The following FOXP4 variants were observed in gnomAD, a reference collection of about 807,000 sequenced individuals.
FOXP4 encodes forkhead box protein P4.
A neutral mutation model predicts 82.6 loss-of-function variants in FOXP4; 25 were observed. The observed-to-expected ratio is 0.30, with a 90% CI of 0.22 to 0.42. The LOEUF is 0.42. Ranked by LOEUF, FOXP4 falls within the 10% of genes least tolerant of loss-of-function variation. The pLI is 1.00. For synonymous variants in FOXP4, 415 were observed against 388.2 expected (o/e 1.07, Z -0.81); for missense variants, 785 against 900.9 (o/e 0.87, Z 1.65).
At chr6:41,595,279 A>T (rs1184076976) in intron 14 of FOXP4, among the ~76,000 whole-genome samples, 23 of 152,250 alleles carry the variant, frequency 1.5e-4, no homozygotes, top group Admixed American at 1.5e-3. Flanking sequence ...AGGGGCCCCA[A>T]GTAGCCCTGG....
chr6:41,596,840 C>T (rs953822815), intron 14 of FOXP4, among the ~76,000 whole-genome samples: 3 of 151,750 alleles, frequency 2.0e-5, no homozygotes, highest in African/African-American at 7.3e-5. Flanking sequence ...AAATCTAGAC[C>T]GGAGAGAAAA....
chr6:41,552,715 G>A (rs7764894), intron 1 of FOXP4, among the ~76,000 whole-genome samples: 21,258 of 152,068 alleles, frequency 0.14, 1,585 homozygotes, highest in African/African-American at 0.18. Context: ...AGCTCGGGCC[G>A]GCAGCTGGGG....
At chr6:41,560,382 C>G (rs140304339) in intron 1 of FOXP4, among the ~76,000 whole-genome samples, 16 of 152,368 alleles carry the variant, frequency 1.1e-4, no homozygotes, top group Non-Finnish European at 2.1e-4. Flanking sequence ...CTGCTGTCTC[C>G]CAGACTATAT....
At chr6:41,574,070 C>G (rs1330508110) in intron 2 of FOXP4, among the ~76,000 whole-genome samples, 1 of 152,180 alleles carries the variant, frequency 6.6e-6, no homozygotes, top group African/African-American at 2.4e-5. Context: ...ATCTGAACAC[C>G]TTTCTCACCC....
intron 2 of FOXP4, among the ~76,000 whole-genome samples, chr6:41,567,343 G>A (rs937134045): frequency 2.0e-5 from 3 of 152,184 alleles, no homozygotes; most frequent in Admixed American, 2.0e-4. Context: ...GTGGAGACTG[G>A]AGCAGGGAAG....
chr6:41,562,115 A>C (rs574200058), intron 1 of FOXP4, among the ~76,000 whole-genome samples: 1 of 152,358 alleles, frequency 6.6e-6, no homozygotes, highest in Admixed American at 6.5e-5. Flanking sequence ...AGAGGTGGGC[A>C]GGAGACATGA....
At chr6:41,592,991 TTGCCAGTTAGCAG>T (rs67992154) in intron 13 of FOXP4, among the ~76,000 whole-genome samples, 16,622 of 152,184 alleles carry the variant, frequency 0.11, 1,962 homozygotes, top group African/African-American at 0.29. Flanking sequence ...GTGGGTGACT[TTGCCAGTTAGCAG>T]TGTTCTGCTG....
At position 41,593,812 on chromosome 6, in the gene FOXP4, G is replaced by T. The variant is rs911430363; in HGVS notation, c.1537-1058G>T. 6.6e-6 allele frequency among the ~76,000 whole-genome samples: 1 copy of T among 152,194 alleles called. No individual in the cohort carries two copies. The highest frequency in any genetic ancestry group is 2.4e-5 in the African/African-American group (1 of 41,446). ...GGGCCAGTTGCAAGTGGCAAGAGTT[G>T]GAAGGGAGAGAGGGAGAGGGATCTC... On this transcript the variant is annotated intron_variant, in intron 13 of 16. Coordinates refer to ENST00000307972, the MANE Select transcript of FOXP4 (RefSeq NM_001012426.2). This position sits in a 1 kb window ranked among gnomAD's most constrained non-coding sequence, Gnocchi z 4.1.
Position 41,589,813 on chromosome 6 carries a change from C to T in FOXP4, c.1108C>T (p.Leu370=). 2 of 1,611,120 alleles carry T rather than the reference C, an allele frequency of 1.2e-6. No homozygotes were observed. Among genetic ancestry groups the T allele is most frequent in the Non-Finnish European group, 1.7e-6 (2 of 1,179,936 alleles). ...GCGGCTGCAGGCCATGATGGCCCAC[C>T]TGCACATGCGGCCCTCGGAGCCCAA... is the stretch of plus-strand genomic sequence containing the variant. ...SERLQAMMAH[L]HMRPSEPKPF... is the part of the protein sequence containing the mutation. Residue 370 remains leucine (L), a synonymous_variant, in exon 10 of 17, where the codon CTG becomes TTG. Transcript: ENST00000307972.
At chr6:41,551,848 G>A (rs1764015785) in intron 1 of FOXP4, among the ~76,000 whole-genome samples, 1 of 152,156 alleles carries the variant, frequency 6.6e-6, no homozygotes, top group African/African-American at 2.4e-5. Context: ...ACTGTGGAGC[G>A]CCTACTGTGT....
At chr6:41,564,335 C>T (rs1439707300) in intron 1 of FOXP4, among the ~76,000 whole-genome samples, 1 of 152,186 alleles carries the variant, frequency 6.6e-6, no homozygotes, top group Non-Finnish European at 1.5e-5. Flanking sequence ...AGGATAATTG[C>T]TTGAACCCGG....
At chr6:41,572,955 A>G (rs2127364804) in intron 2 of FOXP4, among the ~76,000 whole-genome samples, 1 of 152,282 alleles carries the variant, frequency 6.6e-6, no homozygotes, top group African/African-American at 2.4e-5. Context: ...TTGACCCACT[A>G]AATTGATATT....
chr6:41,560,755 G>T (rs1764528140), intron 1 of FOXP4, among the ~76,000 whole-genome samples: 1 of 152,268 alleles, frequency 6.6e-6, no homozygotes, highest in African/African-American at 2.4e-5. Flanking sequence ...GGGCGGTGCG[G>T]GTTCGCGGCG....
rs36087021 is a variant in FOXP4 at position 41,565,958 on chromosome 6, G to A, written c.198G>A (p.Gln66=). The A allele has an allele frequency of 2.9e-3, 4,605 of 1,612,930 alleles. 126 individuals carry two copies. The African/African-American group carries it at 0.055, about 19-fold the overall frequency. Residue 66 remains glutamine, a synonymous_variant, in exon 2 of 17, where the codon CAG becomes CAA. Coordinates refer to ENST00000307972, the MANE Select transcript of FOXP4 (RefSeq NM_001012426.2). ...MSPAELLHFQ[Q]QQALQVARQF... Reference sequence around the variant, plus strand: ...CCGCAGAGCTGCTGCACTTCCAGCAGCAACAGGTAGGAACTGGTGCGCCTT... The same window carrying A: ...CCGCAGAGCTGCTGCACTTCCAGCAACAACAGGTAGGAACTGGTGCGCCTT...
chr6:41,584,685 T>A, intron 3 of FOXP4, 84 bp from the exon 4 acceptor site: 1 of 1,452,844 alleles, frequency 6.9e-7, no homozygotes, highest in Non-Finnish European at 9.2e-7. Flanking sequence ...GGAGCCACTC[T>A]GCCACGCTGA....
chr6:41,547,246 G>T (rs1763687357), intron 1 of FOXP4, among the ~76,000 whole-genome samples: 1 of 151,970 alleles, frequency 6.6e-6, no homozygotes, highest in Non-Finnish European at 1.5e-5. Flanking sequence ...AAGAATCTGG[G>T]CCCCGCCCCC....
chr6:41,593,442 G>A lies in FOXP4; in HGVS notation c.1537-1428G>A, dbSNP rs9357364. 0.11 allele frequency among the ~76,000 whole-genome samples: 16,408 copies of A among 152,160 alleles called. 1,858 individuals carry two copies. The highest frequency in any genetic ancestry group is 0.28 in the African/African-American group (11,784 of 41,458). ...CTCCCAAGGCCCGTGTTGTGGGCCC[G>A]TCCTTTTGTTTACGAAGCCCCTGCC... On this transcript the variant is annotated intron_variant, in intron 13 of 16. Coordinates refer to ENST00000307972, the MANE Select transcript of FOXP4 (RefSeq NM_001012426.2). The surrounding 1 kb of genome is among the most constrained non-coding windows in gnomAD (Gnocchi z 4.1).
intron 2 of FOXP4, among the ~76,000 whole-genome samples, chr6:41,575,703 C>T (rs1455736002): frequency 1.3e-5 from 2 of 150,940 alleles, no homozygotes; most frequent in Non-Finnish European, 3.0e-5. Flanking sequence ...TGGCCACCCC[C>T]CACCCCACCC....
At position 41,562,085 on chromosome 6, in the gene FOXP4, G is replaced by A. The variant is rs138994260; in HGVS notation, c.-16-3660G>A. Among the ~76,000 whole-genome samples, 554 of 152,378 alleles carry A rather than the reference G, an allele frequency of 3.6e-3. 9 individuals are homozygous for A. The highest frequency in any genetic ancestry group is 0.033 in the Admixed American group (509 of 15,308). On this transcript the variant is annotated intron_variant, in intron 1 of 16. Coordinates refer to ENST00000307972, the MANE Select transcript of FOXP4 (RefSeq NM_001012426.2). Reference sequence around the variant, plus strand: ...CCCACAGTGCAGGGAGCACACCGGTGCTGTCGCGGCGCCCTGTGGAGAGGT... The same window carrying A: ...CCCACAGTGCAGGGAGCACACCGGTACTGTCGCGGCGCCCTGTGGAGAGGT...
Sources: allele counts gnomAD v4.1 joint callset (sites outside exome capture counted in the v4.1 genomes callset), GRCh38; gene constraint gnomAD v4.1.1; non-coding constraint Gnocchi (gnomAD v3.1); transcripts MANE v1.5; gene names NCBI Gene and HGNC (gene_info 2026-07-23, HGNC 2026-07-21).